The following PLD5 variants were observed in gnomAD, a reference collection of about 807,000 sequenced individuals.
PLD5 encodes inactive phospholipase D5.
A neutral mutation model predicts 61.1 loss-of-function variants in PLD5; 36 were observed. That is an observed-to-expected ratio of 0.59 (90% CI 0.45 to 0.78). PLD5 has a LOEUF of 0.78. Ranked by LOEUF, PLD5 falls within the 30% of genes least tolerant of loss-of-function variation. The pLI, the probability that PLD5 is intolerant of heterozygous loss-of-function variation, is 0.00. For missense variants in PLD5, 515 were observed against 644.4 expected, an observed-to-expected ratio of 0.80 and a Z score of 2.17; for synonymous variants, 243 against 242.8, an observed-to-expected ratio of 1.00 and a Z score of -0.01.
intron 5 of PLD5, among the ~76,000 whole-genome samples, chr1:242,161,866 G>A (rs1330539465): frequency 2.0e-5 from 3 of 152,100 alleles, no homozygotes; most frequent in South Asian, 2.1e-4. Flanking sequence ...ATAGAGCATC[G>A]GAGCTGCTAC....
intron 3 of PLD5, among the ~76,000 whole-genome samples, chr1:242,278,324 C>A (rs938908370): frequency 7.2e-5 from 11 of 152,032 alleles, no homozygotes; most frequent in East Asian, 1.9e-4. Flanking sequence ...TTAATACGAA[C>A]AATTAGAAGG....
intron 1 of PLD5, among the ~76,000 whole-genome samples, chr1:242,366,411 T>A (rs973641737): frequency 6.6e-5 from 10 of 152,184 alleles, no homozygotes; most frequent in African/African-American, 2.4e-4. Context: ...ACTAAAGTGA[T>A]CTCAATGGCA....
At chr1:242,394,376 ATG>A (rs1454990953) in intron 1 of PLD5, among the ~76,000 whole-genome samples, 4 of 100,006 alleles carry the variant, frequency 4.0e-5, no homozygotes, top group South Asian at 3.9e-4. Flanking sequence ...ATGAGTATAT[ATG>A]TGTGTATATA....
rs567475477 is a variant in PLD5, at chr1:242,377,056, C to G, written c.190-28814G>C. On this transcript the variant is annotated intron_variant, in intron 1 of 9. Coordinates refer to ENST00000536534, the MANE Select transcript of PLD5 (RefSeq NM_001372062.1). ...CACTTTCTGTCTGACACGGTGCCAT[C>G]AGGGGAGTCATCCTCGTGGCTGGGT... 1.2e-5 allele frequency: 20 copies of G among 1,611,766 alleles called. No homozygotes were observed. The African/African-American group carries it at 2.4e-4, about 19-fold the overall frequency.
chr1:242,225,006 T>G (rs1449557530), intron 4 of PLD5, among the ~76,000 whole-genome samples: 1 of 152,148 alleles, frequency 6.6e-6, no homozygotes, highest in Non-Finnish European at 1.5e-5. Context: ...CGCAGCAGGA[T>G]TTTTTGCGTG....
At chr1:242,253,115 C>CTT (rs35097685) in intron 4 of PLD5, among the ~76,000 whole-genome samples, 48 of 73,190 alleles carry the variant, frequency 6.6e-4, no homozygotes, top group African/African-American at 1.9e-3. Context: ...GTGTATGGCC[C>CTT]TTTTTTTTTT....
intron 1 of PLD5, among the ~76,000 whole-genome samples, chr1:242,460,250 G>T (rs1040719506): frequency 6.6e-6 from 1 of 151,850 alleles, no homozygotes; most frequent in Non-Finnish European, 1.5e-5. Flanking sequence ...ACCTACCCCC[G>T]CCCTCACTAA....
intron 2 of PLD5, among the ~76,000 whole-genome samples, chr1:242,327,876 A>G (rs1658894428): frequency 6.6e-6 from 1 of 152,164 alleles, no homozygotes; most frequent in African/African-American, 2.4e-5. Flanking sequence ...GGATTGTTTC[A>G]GCCCAGGAGT....
At chr1:242,231,592 G>A (rs1443420722) in intron 4 of PLD5, among the ~76,000 whole-genome samples, 5 of 152,146 alleles carry the variant, frequency 3.3e-5, no homozygotes, top group Non-Finnish European at 2.9e-5. Context: ...ACCAACTAGA[G>A]AAAACATATG....
intron 1 of PLD5, among the ~76,000 whole-genome samples, chr1:242,394,514 ACATATATATG>A (rs1364359146): frequency 1.7e-5 from 1 of 59,296 alleles, no homozygotes; most frequent in Non-Finnish European, 2.9e-5. Context: ...ATATATGTGA[ACATATATATG>A]TGTATATATG....
intron 1 of PLD5, among the ~76,000 whole-genome samples, chr1:242,522,410 A>G (rs1440483418): frequency 6.6e-6 from 1 of 152,212 alleles, no homozygotes; most frequent in South Asian, 2.1e-4. Flanking sequence ...GATACTTTCA[A>G]TGAAAATCTA....
At chr1:242,167,102 A>T (rs1377966738) in intron 5 of PLD5, among the ~76,000 whole-genome samples, 1 of 146,862 alleles carries the variant, frequency 6.8e-6, no homozygotes, top group Non-Finnish European at 1.5e-5. Context: ...AATAATAATA[A>T]TAATAATAAT....
chr1:242,129,819 A>C (rs147669540), intron 5 of PLD5, among the ~76,000 whole-genome samples: 1 of 152,020 alleles, frequency 6.6e-6, no homozygotes, highest in Non-Finnish European at 1.5e-5. Flanking sequence ...TGAATCTCCA[A>C]TGTCAATTAT....
intron 9 of PLD5, among the ~76,000 whole-genome samples, chr1:242,098,727 A>T (rs1044181338): frequency 6.6e-6 from 1 of 152,102 alleles, no homozygotes; most frequent in Non-Finnish European, 1.5e-5. Flanking sequence ...TGACGTACAG[A>T]TGGGGTTTTG....
intron 1 of PLD5, among the ~76,000 whole-genome samples, chr1:242,446,640 G>A (rs142048119): frequency 2.4e-4 from 36 of 152,236 alleles, no homozygotes; most frequent in Middle Eastern, 6.8e-3. Flanking sequence ...TCCACACATT[G>A]GACCGTCTCC....
intron 1 of PLD5, among the ~76,000 whole-genome samples, chr1:242,407,048 G>A (rs1442866359): frequency 6.6e-6 from 1 of 152,160 alleles, no homozygotes; most frequent in Non-Finnish European, 1.5e-5. Flanking sequence ...TGAATTTTAT[G>A]TAGCTCTTAT....
At chr1:242,336,471 C>T (rs997694360) in intron 2 of PLD5, among the ~76,000 whole-genome samples, 18 of 151,966 alleles carry the variant, frequency 1.2e-4, no homozygotes, top group Non-Finnish European at 2.9e-5. Context: ...CAATGAGTGC[C>T]ATGCAGCCAT....
At chr1:242,507,066 G>A (rs1338096104) in intron 1 of PLD5, among the ~76,000 whole-genome samples, 1 of 152,150 alleles carries the variant, frequency 6.6e-6, no homozygotes, top group Non-Finnish European at 1.5e-5. Context: ...AGTTATATAA[G>A]GGTCTATCTC....
chr1:242,449,210 C>T (rs1666680612), intron 1 of PLD5: 6 of 977,484 alleles, frequency 6.1e-6, no homozygotes, highest in South Asian at 4.5e-5. Context: ...AGTGTTCCTG[C>T]CCTTCTCATA....
Sources: gnomAD v4.1 joint callset for allele counts (sites outside exome capture counted in the v4.1 genomes callset) on GRCh38, gnomAD v4.1.1 for gene constraint, MANE v1.5 for transcripts, NCBI Gene and HGNC (gene_info 2026-07-23, HGNC 2026-07-21) for gene names.